The following SHROOM2 variants were observed in gnomAD, a reference collection of about 807,000 sequenced individuals.
The protein encoded by SHROOM2 is shroom family member 2, also known as protein Shroom2.
In SHROOM2, 33 loss-of-function variants were observed where a neutral mutation model predicts 75.9. The observed-to-expected ratio is 0.43, with a 90% CI of 0.33 to 0.58. SHROOM2 has a LOEUF of 0.58. Among genes scored for constraint, SHROOM2 ranks in the 20% least tolerant of loss-of-function variants. The probability of loss-of-function intolerance (pLI) is 0.04; values close to 1 mark genes in which losing one functional copy is unlikely to be tolerated. For synonymous variants in SHROOM2, 655 were observed against 663.6 expected, an observed-to-expected ratio of 0.99 and a Z score of 0.20; for missense variants, 1,434 against 1,461.2, an observed-to-expected ratio of 0.98 and a Z score of 0.30.
chrX:9,931,437 A>G (rs905805623), intron 5 of SHROOM2, among the ~76,000 whole-genome samples: 1 of 111,449 alleles, frequency 9.0e-6, no homozygotes, highest in Admixed American at 9.5e-5. Context: ...ACTTGAACCC[A>G]GGAGTTTGAG....
intron 1 of SHROOM2, among the ~76,000 whole-genome samples, chrX:9,833,608 CTGTGTGTGTGTGTGTGTGTGTGTG>C (rs144161839): frequency 2.1e-5 from 2 of 95,358 alleles, no homozygotes; most frequent in South Asian, 5.1e-4. Flanking sequence ...CAAGTAGACT[CTGTGTGTGTGTGTGTGTGTGTGTG>C]TGTGTGTGTG....
At chrX:9,898,604 C>T (rs1434300607) in intron 5 of SHROOM2, among the ~76,000 whole-genome samples, 1 of 111,880 alleles carries the variant, frequency 8.9e-6, no homozygotes, top group Non-Finnish European at 1.9e-5. Context: ...ATGAGAAGTC[C>T]AGTTGAACAT....
intron 1 of SHROOM2, among the ~76,000 whole-genome samples, chrX:9,854,125 T>TA (rs1166946077): frequency 5.3e-5 from 6 of 112,736 alleles, no homozygotes; most frequent in African/African-American, 1.9e-4. Flanking sequence ...AACTCTATTG[T>TA]AAAGCGTACT....
intron 5 of SHROOM2, among the ~76,000 whole-genome samples, chrX:9,919,173 C>G (rs1343932646): frequency 9.0e-6 from 1 of 110,730 alleles, no homozygotes; most frequent in Non-Finnish European, 1.9e-5. Flanking sequence ...ACAGTCGTTT[C>G]AGCTAGGAGG....
intron 8 of SHROOM2, among the ~76,000 whole-genome samples, 176 bp from the exon 9 acceptor site, chrX:9,944,462 ATTC>A (rs1158864104): frequency 8.9e-6 from 1 of 112,372 alleles, no homozygotes; most frequent in African/African-American, 3.2e-5. Context: ...ATTAGGAGTC[ATTC>A]TTCTTTCCCT....
At chrX:9,839,926 A>G (rs180793970) in intron 1 of SHROOM2, among the ~76,000 whole-genome samples, 1 of 111,627 alleles carries the variant, frequency 9.0e-6, no homozygotes, top group African/African-American at 3.3e-5. Context: ...TCTAACTTCA[A>G]CCTTGACTCT....
intron 1 of SHROOM2, among the ~76,000 whole-genome samples, chrX:9,789,070 A>T (rs1322491728): frequency 9.0e-6 from 1 of 111,630 alleles, no homozygotes; most frequent in Non-Finnish European, 1.9e-5. Flanking sequence ...GTTTGCATGG[A>T]GAGCTGTTTT....
intron 1 of SHROOM2, among the ~76,000 whole-genome samples, chrX:9,823,813 C>T (rs1396242967): frequency 3.2e-5 from 3 of 93,466 alleles, no homozygotes; most frequent in Non-Finnish European, 6.1e-5. Context: ...GGTTGGAATG[C>T]AGTGGCGCAA....
Position 9,835,765 on chromosome X carries a change from G to A in SHROOM2, c.166-37887G>A, listed in dbSNP as rs1164015583. On this transcript the variant is annotated intron_variant, in intron 1 of 9. Transcript: ENST00000380913. ...TTTGGTTGTTTTGAGTCAGGCTCTC[G>A]CTCTGTTGCCCAGGCTGGATGGAGT... Among the ~76,000 whole-genome samples the A allele has an allele frequency of 5.7e-5, 6 of 105,769 alleles. 1 individual carries two copies. Among genetic ancestry groups the A allele is most frequent in the Middle Eastern group, 9.6e-3 (2 of 208 alleles). 91.8% of individuals were successfully genotyped at this position (105,769 alleles called of 115,157 possible). A position where few individuals can be genotyped will look rare whatever the true frequency, so the allele number is the denominator to read the frequency against.
intron 2 of SHROOM2, among the ~76,000 whole-genome samples, chrX:9,882,287 T>C (rs1031433639): frequency 9.3e-6 from 1 of 107,776 alleles, no homozygotes; most frequent in African/African-American, 3.4e-5. Flanking sequence ...TGTTCATCCT[T>C]AGGGCTATAT....
intron 1 of SHROOM2, among the ~76,000 whole-genome samples, chrX:9,796,120 C>A (rs2083693851): frequency 9.0e-6 from 1 of 111,617 alleles, no homozygotes; most frequent in African/African-American, 3.3e-5. Flanking sequence ...TTCAAATTCC[C>A]CCTCACTTCT....
In SHROOM2 at chrX:9,934,211, C is replaced by G. The variant is rs184231840; in HGVS notation, c.3587+1341C>G. Among the ~76,000 whole-genome samples, 97 of 112,280 alleles carry G rather than the reference C, an allele frequency of 8.6e-4. 1 individual carries two copies. In the East Asian group the frequency reaches 0.022, roughly 25 times the overall value. On this transcript the variant is annotated intron_variant, in intron 6 of 9. Transcript: ENST00000380913. The stretch of plus-strand genomic sequence containing the variant: ...CGATGAATGCAGGTCCTCAGTCACA[C>G]CAGGTGTGGCGGGTGGCTGCCGTCC...
chrX:9,882,376 C>T (rs2147004967), intron 2 of SHROOM2, among the ~76,000 whole-genome samples: 1 of 110,904 alleles, frequency 9.0e-6, no homozygotes, highest in South Asian at 3.8e-4. Context: ...TGAAACATAG[C>T]CAGGAAATTG....
Position 9,895,694 on chromosome X carries a change from C to T in SHROOM2, c.1786C>T (p.Arg596Cys), listed in dbSNP as rs773730939. Residue 596 changes from arginine (R) to cysteine (C), a missense_variant, in exon 4 of 10, where the codon CGC (arginine) becomes TGC (cysteine). Arg to Cys is a radical substitution (Grantham distance 180). This residue lies in a region of SHROOM2 where 1,340 missense variants were observed against 1,338.3 expected (regional missense o/e 1.00). Transcript: ENST00000380913. ...GCACTCCCTGACCCAGGAGGGGAAG[C>T]GCCGGCCTGAGAGCAGTCCAGAGGA... ...LLHSLTQEGK[R>C]RPESSPEDSA... The T allele has an allele frequency of 2.7e-5, 32 of 1,181,546 alleles. No homozygotes were observed. The highest frequency in any genetic ancestry group is 2.3e-4 in the Middle Eastern group (1 of 4,340).
At chrX:9,893,412 A>AGCCACCAAACCTGGTCTGT (rs2084305057) in intron 3 of SHROOM2, among the ~76,000 whole-genome samples, 1 of 111,870 alleles carries the variant, frequency 8.9e-6, no homozygotes, top group Admixed American at 9.5e-5. Context: ...TTCAGGTGTG[A>AGCCACCAAACCTGGTCTGT]GCCACCAAAC....
intron 1 of SHROOM2, among the ~76,000 whole-genome samples, chrX:9,854,976 A>G (rs2084059551): frequency 9.1e-6 from 1 of 110,359 alleles, no homozygotes; most frequent in African/African-American, 3.3e-5. Flanking sequence ...TTTTTAAAGG[A>G]GAACCAAAAA....
At chrX:9,859,527 T>G (rs1199394973) in intron 1 of SHROOM2, among the ~76,000 whole-genome samples, 2 of 111,499 alleles carry the variant, frequency 1.8e-5, no homozygotes, top group African/African-American at 6.5e-5. Flanking sequence ...GGCTGGGAGA[T>G]GTACAGAGTC....
At chrX:9,914,984 G>A (rs183121723) in intron 5 of SHROOM2, among the ~76,000 whole-genome samples, 4 of 111,930 alleles carry the variant, frequency 3.6e-5, no homozygotes, top group East Asian at 2.8e-4. Flanking sequence ...GGACTTCTGG[G>A]AGTGAAGTAC....
chrX:9,879,821 C>T (rs1569156888), intron 2 of SHROOM2, among the ~76,000 whole-genome samples: 1 of 112,108 alleles, frequency 8.9e-6, no homozygotes, highest in East Asian at 2.8e-4. Flanking sequence ...CCACACTGTA[C>T]AGGTTAAGTT....
Sources: allele counts gnomAD v4.1 joint callset (sites outside exome capture counted in the v4.1 genomes callset), GRCh38; gene constraint gnomAD v4.1.1; regional missense constraint gnomAD v4.1.1; transcripts MANE v1.5; gene names NCBI Gene and HGNC (gene_info 2026-07-23, HGNC 2026-07-21).